CDH12: variants seen among roughly 807,000 people sequenced by gnomAD.
CDH12 encodes cadherin 12.
Under a neutral mutation model 74.1 loss-of-function variants are expected in CDH12, and 41 were observed. The ratio of observed to expected loss-of-function variants is 0.55; its 90% CI spans 0.43 to 0.72. The LOEUF (loss-of-function observed/expected upper bound fraction) is 0.72. Among genes scored for constraint, CDH12 ranks in the 30% least tolerant of loss-of-function variants. The probability of loss-of-function intolerance (pLI) is 0.00; values close to 1 mark genes in which losing one functional copy is unlikely to be tolerated. For synonymous variants in CDH12, 399 were observed against 355.0 expected (o/e 1.12, Z -1.39); for missense variants, 945 against 977.2 (o/e 0.97, Z 0.44).
At chr5:21,831,378 C>T (rs994458293) in intron 8 of CDH12, among the ~76,000 whole-genome samples, 11 of 152,112 alleles carry the variant, frequency 7.2e-5, no homozygotes, top group African/African-American at 2.4e-4. Flanking sequence ...TACAAATAGA[C>T]GGAACCTACT....
chr5:22,526,371 A>T (rs1204757688), intron 1 of CDH12, among the ~76,000 whole-genome samples: 2 of 152,162 alleles, frequency 1.3e-5, no homozygotes, highest in African/African-American at 4.8e-5. Context: ...ATATTTCTGC[A>T]TATTAAATTA....
At chr5:22,097,330 G>A (rs760796164) in intron 4 of CDH12, among the ~76,000 whole-genome samples, 2 of 152,246 alleles carry the variant, frequency 1.3e-5, no homozygotes, top group South Asian at 4.2e-4. Flanking sequence ...GACACTGCCC[G>A]ATCGCCTCAG....
At chr5:22,048,394 A>G (rs1326012814) in intron 5 of CDH12, among the ~76,000 whole-genome samples, 1 of 152,146 alleles carries the variant, frequency 6.6e-6, no homozygotes, top group Non-Finnish European at 1.5e-5. Flanking sequence ...TAACAAATTT[A>G]TGGTTTTCCA....
chr5:22,170,019 A>G (rs1748928291), intron 4 of CDH12, among the ~76,000 whole-genome samples: 1 of 151,912 alleles, frequency 6.6e-6, no homozygotes, highest in Non-Finnish European at 1.5e-5. Flanking sequence ...AAACCACTAC[A>G]ATTTTATTTG....
At position 22,840,167 on chromosome 5, in the gene CDH12, C is replaced by A. The variant is rs530370641; in HGVS notation, c.-523+12891G>T. Among the ~76,000 whole-genome samples the A allele has an allele frequency of 1.2e-3, 189 of 152,284 alleles. 2 individuals are homozygous for A. Among genetic ancestry groups the A allele is most frequent in the African/African-American group, 4.2e-3 (173 of 41,558 alleles). On this transcript the variant is annotated intron_variant, in intron 1 of 14. Coordinates refer to ENST00000382254, the MANE Select transcript of CDH12 (RefSeq NM_004061.5). ...AGACAGTCTCGCTTTATCACCCAGG[C>A]TGGAGTGCGGTTGCACGATCTTGGC...
chr5:22,301,247 C>G (rs1737867302), intron 3 of CDH12, among the ~76,000 whole-genome samples: 1 of 152,044 alleles, frequency 6.6e-6, no homozygotes, highest in Non-Finnish European at 1.5e-5. Context: ...GCCCTTGTTC[C>G]CAAGACACTT....
chr5:21,884,492 A>T (rs2150036768), intron 6 of CDH12, among the ~76,000 whole-genome samples: 1 of 152,328 alleles, frequency 6.6e-6, no homozygotes, highest in African/African-American at 2.4e-5. Context: ...TACTGCTGTC[A>T]TTGTCCATGC....
intron 13 of CDH12, among the ~76,000 whole-genome samples, chr5:21,757,100 A>G (rs1744441214): frequency 1.3e-5 from 2 of 152,200 alleles, no homozygotes; most frequent in South Asian, 4.1e-4. Flanking sequence ...ACTTGGGAGA[A>G]GGTAGGGATT....
chr5:22,079,062 T>C (rs922536971), intron 4 of CDH12, among the ~76,000 whole-genome samples, 200 bp from the exon 5 acceptor site: 6 of 152,176 alleles, frequency 3.9e-5, no homozygotes, highest in Admixed American at 1.3e-4. Context: ...GAGAAAATAT[T>C]AGTTACAATG....
chr5:22,262,400 A>C (rs999126737), intron 3 of CDH12, among the ~76,000 whole-genome samples: 5 of 151,816 alleles, frequency 3.3e-5, no homozygotes, highest in East Asian at 1.9e-4. Context: ...TAGTTTACTG[A>C]GAATGATGAT....
At chr5:22,716,177 T>C (rs1020438586) in intron 1 of CDH12, among the ~76,000 whole-genome samples, 5 of 151,808 alleles carry the variant, frequency 3.3e-5, no homozygotes, top group African/African-American at 1.2e-4. Flanking sequence ...TATAACTCAA[T>C]GGACAGCACT....
At chr5:22,435,502 G>A (rs1744347965) in intron 2 of CDH12, among the ~76,000 whole-genome samples, 1 of 114,938 alleles carries the variant, frequency 8.7e-6, no homozygotes, top group African/African-American at 3.1e-5. Flanking sequence ...ATATATATGT[G>A]TGTGTGTGTG....
At chr5:21,849,920 C>A (rs1750373386) in intron 7 of CDH12, among the ~76,000 whole-genome samples, 1 of 151,516 alleles carries the variant, frequency 6.6e-6, no homozygotes, top group Non-Finnish European at 1.5e-5. Flanking sequence ...CATCAGTGGG[C>A]AAACAGAATA....
chr5:22,074,220 C>T (rs1261591854), intron 5 of CDH12, among the ~76,000 whole-genome samples: 1 of 152,062 alleles, frequency 6.6e-6, no homozygotes. Context: ...GGGAAGGATT[C>T]CCTATTTAAT....
chr5:21,943,924 T>G (rs1216872397), intron 6 of CDH12, among the ~76,000 whole-genome samples: 1 of 152,134 alleles, frequency 6.6e-6, no homozygotes, highest in Non-Finnish European at 1.5e-5. Flanking sequence ...CACATAAATC[T>G]ATCCCTGAAC....
In CDH12 at chr5:22,383,408, A is replaced by G. The variant is rs533059672; in HGVS notation, c.-333+21849T>C. Among the ~76,000 whole-genome samples the G allele has an allele frequency of 1.1e-4, 16 of 152,300 alleles. No homozygotes were observed. The South Asian group carries it at 3.3e-3, about 32-fold the overall frequency. On this transcript the variant is annotated intron_variant, in intron 3 of 14. Coordinates refer to ENST00000382254, the MANE Select transcript of CDH12 (RefSeq NM_004061.5). ...AATCAAGGTGAATTTTGTGAATGTT[A>G]GTTCATTTATTGTGGTTAATAAACA...
At chr5:22,630,379 TA>T (rs1269997763) in intron 1 of CDH12, among the ~76,000 whole-genome samples, 2 of 152,018 alleles carry the variant, frequency 1.3e-5, no homozygotes, top group Non-Finnish European at 2.9e-5. Context: ...GGTACCACAT[TA>T]TCCAACTTCG....
intron 4 of CDH12, among the ~76,000 whole-genome samples, chr5:22,087,555 T>C (rs1743152543): frequency 6.6e-6 from 1 of 151,930 alleles, no homozygotes; most frequent in Admixed American, 6.6e-5. Flanking sequence ...GCAGGAGAAT[T>C]GCCTGAACCC....
intron 3 of CDH12, among the ~76,000 whole-genome samples, chr5:22,386,099 T>C (rs1741987450): frequency 6.6e-6 from 1 of 151,944 alleles, no homozygotes; most frequent in Admixed American, 6.6e-5. Flanking sequence ...ACCATGTTGG[T>C]GAGACTGGTC....
Sources: allele counts gnomAD v4.1 joint callset (sites outside exome capture counted in the v4.1 genomes callset), GRCh38; gene constraint gnomAD v4.1.1; transcripts MANE v1.5; gene names NCBI Gene and HGNC (gene_info 2026-07-23, HGNC 2026-07-21).